NANOS3: variants seen among roughly 807,000 people sequenced by gnomAD.
NANOS3 encodes nanos C2HC-type zinc finger 3.
In NANOS3, 11 loss-of-function variants were observed where a neutral mutation model predicts 13.8. The ratio of observed to expected loss-of-function variants is 0.80; its 90% CI spans 0.50 to 1.32. The LOEUF is 1.32. Ranked by LOEUF, NANOS3 falls within the 40% of genes most tolerant of loss-of-function variation. NANOS3 has a pLI of 0.00. For synonymous variants in NANOS3, 119 were observed against 115.4 expected (o/e 1.03, Z -0.20); for missense variants, 221 against 263.8 (o/e 0.84, Z 1.12).
At position 13,877,776 on chromosome 19, in the gene NANOS3, A is replaced by T. The variant is rs761546886; in HGVS notation, c.517+11A>T. 1 of 1,544,522 alleles carries T rather than the reference A, an allele frequency of 6.5e-7. No individual in the cohort carries two copies. The highest frequency in any genetic ancestry group is 1.2e-5 in the South Asian group (1 of 84,664). On this transcript the variant is annotated intron_variant, in intron 1 of 1. Transcript: ENST00000339133. Reference sequence around the variant, plus strand: ...GAGGAGGAGGAGCAGGTGCCTGCACAGGTGGCTGGGGGGGACCTGTCCGAG... The same window carrying T: ...GAGGAGGAGGAGCAGGTGCCTGCACTGGTGGCTGGGGGGGACCTGTCCGAG...
chr19:13,862,265 A>C (rs1976169186), upstream of NANOS3: 1 of 151,872 alleles, frequency 6.6e-6, no homozygotes, highest in South Asian at 2.1e-4. Context: ...CCTTCTGGGG[A>C]CTCTGCATTT....
upstream of NANOS3, among the ~76,000 whole-genome samples, chr19:13,873,352 G>T (rs1361652733): frequency 6.6e-6 from 1 of 151,574 alleles, no homozygotes; most frequent in African/African-American, 2.4e-5. Flanking sequence ...GGGGTGTGGT[G>T]GGGGGGTGGT....
intron 1 of NANOS3, among the ~76,000 whole-genome samples, chr19:13,878,630 G>A (rs1486586523): frequency 7.0e-6 from 1 of 142,364 alleles, no homozygotes; most frequent in Non-Finnish European, 1.5e-5. Flanking sequence ...TTTTTTTTGA[G>A]ATAGAGTCTC....
upstream of NANOS3, among the ~76,000 whole-genome samples, chr19:13,876,586 GGC>G (rs1968518057): frequency 6.6e-6 from 1 of 152,088 alleles, no homozygotes; most frequent in African/African-American, 2.4e-5. Context: ...CAGAGCTGGG[GGC>G]CGGGGGGCAT....
chr19:13,870,651 T>A (rs921293917), intron 1 of NANOS3, among the ~76,000 whole-genome samples: 4 of 142,244 alleles, frequency 2.8e-5, no homozygotes, highest in African/African-American at 1.0e-4. Context: ...CACTGCAATC[T>A]CTGCCTCCCA....
Position 13,877,631 on chromosome 19 carries a change from GC to G in NANOS3, c.386del (p.Pro129HisfsTer87). 1.2e-6 allele frequency: 2 copies of G among 1,612,270 alleles called. No individual in the cohort carries two copies. Among genetic ancestry groups the G allele is most frequent in the Non-Finnish European group, 1.7e-6 (2 of 1,179,992 alleles). On this transcript the variant is annotated frameshift_variant, in exon 1 of 2. Transcript: ENST00000339133. LOFTEE classifies it high-confidence loss of function. ...GAGCGCGCCCACACCCGACGCTTCT[GC>G]CCACTTACTGGCCAGGGCTACACCT... Reference protein sequence around the residue: ...TRERAHTRRFCPLTGQGYTSV... With the variant: ...TRERAHTRRFXPLTGQGYTSV...
intron 1 of NANOS3, among the ~76,000 whole-genome samples, chr19:13,870,560 C>CT (rs34524831): frequency 0.041 from 2,958 of 71,658 alleles, 112 homozygotes; most frequent in Non-Finnish European, 0.047. Flanking sequence ...GATAGCGTGG[C>CT]TTTTTTTTTT....
chr19:13,868,655 C>T (rs1033826104), intron 1 of NANOS3, among the ~76,000 whole-genome samples: 2 of 150,060 alleles, frequency 1.3e-5, no homozygotes, highest in African/African-American at 4.9e-5. Context: ...GCACTCTAGC[C>T]TGGGTGACAG....
chr19:13,868,683 TAA>T lies in NANOS3; in HGVS notation n.21+3259_21+3260del, dbSNP rs34546663. 5.6e-5 allele frequency among the ~76,000 whole-genome samples: 8 copies of T among 142,126 alleles called. 1 individual carries two copies. In the East Asian group the frequency reaches 1.0e-3, roughly 18 times the overall value. 93.2% of individuals were successfully genotyped at this position (142,126 alleles called of 152,430 possible). On this transcript the variant is annotated intron_variant and non_coding_transcript_variant, in intron 1 of 2. Transcript: ENST00000591161. ...GGTGACAGCGAGACCTAGTCTCTTT[TAA>T]AAAAAAAAAAAAGAATGAAATCCCT...
upstream of NANOS3, among the ~76,000 whole-genome samples, chr19:13,874,418 G>GGGGT (rs1423104953): frequency 3.3e-5 from 5 of 152,118 alleles, no homozygotes; most frequent in African/African-American, 1.2e-4. Context: ...TTGACAAAGG[G>GGGGT]GGGTAATCTG....
At chr19:13,875,191 T>TCC (rs1157671994), upstream of NANOS3, among the ~76,000 whole-genome samples, 1,556 of 150,050 alleles carry the variant, frequency 0.01, 26 homozygotes, top group African/African-American at 0.036. Flanking sequence ...AAATCCCCTT[T>TCC]TTTTTTTTTT....
intron 1 of NANOS3, among the ~76,000 whole-genome samples, chr19:13,868,734 G>A (rs1401412220): frequency 6.6e-6 from 1 of 151,306 alleles, no homozygotes; most frequent in Admixed American, 6.6e-5. Flanking sequence ...TGACATTTTA[G>A]TGGGGAATGG....
upstream of NANOS3, chr19:13,875,012 TG>T: frequency 2.1e-6 from 1 of 483,094 alleles, no homozygotes; most frequent in Non-Finnish European, 4.3e-6. Flanking sequence ...GAATGGGGAC[TG>T]GGGACAGGAC....
At chr19:13,874,028 C>T (rs765642653), upstream of NANOS3, among the ~76,000 whole-genome samples, 5 of 152,152 alleles carry the variant, frequency 3.3e-5, no homozygotes, top group African/African-American at 7.2e-5. Context: ...GGGGCAGCCC[C>T]CACGTGGCTG....
chr19:13,872,690 G>A (rs550782702), upstream of NANOS3, among the ~76,000 whole-genome samples: 3 of 152,326 alleles, frequency 2.0e-5, no homozygotes, highest in African/African-American at 7.2e-5. Flanking sequence ...CACCTCCCTC[G>A]GAAGGGCCTG....
rs764039148 is a variant in NANOS3, at chr19:13,877,457, C to T, written c.209C>T (p.Ser70Leu). Residue 70 changes from serine to leucine, a missense_variant, in exon 1 of 2, where the codon TCG becomes TTG. Transcript: ENST00000339133. ...PKDQKRSLES[S>L]PAPERLCSFC... ...GATCAGAAGCGCAGCCTGGAGTCCT[C>T]GCCAGCTCCCGAACGCCTGTGCTCT... The T allele has an allele frequency of 5.0e-6, 8 of 1,611,462 alleles. No individual in the cohort carries two copies. The highest frequency in any genetic ancestry group is 1.6e-4 in the Middle Eastern group (1 of 6,082).
In NANOS3 at chr19:13,880,455, C is replaced by T. The variant is rs770731914; in HGVS notation, c.531C>T (p.Ala177=). The change falls in exon 2 of 2, where the codon GCC becomes GCT. Residue 177 remains alanine, a synonymous_variant. Coordinates refer to ENST00000339133, the MANE Select transcript of NANOS3 (RefSeq NM_001098622.3). ...GGGGGAGFRG[A]GKSEPSPSCS... ...CCCCTCCACTAGGTTTCAGAGGTGC[C>T]GGGAAGTCTGAGCCTTCGCCCTCCT... The T allele has an allele frequency of 1.7e-5, 28 of 1,613,874 alleles. No homozygotes were observed. Among genetic ancestry groups the T allele is most frequent in the African/African-American group, 8.0e-5 (6 of 74,912 alleles).
chr19:13,865,967 T>C (rs963608575), intron 1 of NANOS3, among the ~76,000 whole-genome samples: 19 of 151,696 alleles, frequency 1.3e-4, no homozygotes, highest in African/African-American at 4.4e-4. Flanking sequence ...GCCAAGTTCA[T>C]GGGCGCTCGG....
chr19:13,868,839 C>G (rs936623651), intron 1 of NANOS3, among the ~76,000 whole-genome samples: 2 of 151,926 alleles, frequency 1.3e-5, no homozygotes, highest in African/African-American at 4.8e-5. Context: ...GCTCACATGT[C>G]GACCTGGAAT....
Sources: allele counts gnomAD v4.1 joint callset (sites outside exome capture counted in the v4.1 genomes callset), GRCh38; gene constraint gnomAD v4.1.1; transcripts MANE v1.5; gene names NCBI Gene and HGNC (gene_info 2026-07-23, HGNC 2026-07-21).